Variants in KLF12 observed in about 807,000 individuals in gnomAD.
KLF12 encodes the protein Krueppel-like factor 12.
In KLF12, 9 loss-of-function variants were observed where a neutral mutation model predicts 37.8. The observed-to-expected ratio is 0.24, with a 90% confidence interval of 0.14 to 0.42. The LOEUF is 0.42. KLF12 is among the 10% of genes least tolerant of loss of function. KLF12 has a pLI of 1.00. For missense variants in KLF12, 411 were observed against 516.0 expected, an observed-to-expected ratio of 0.80 and a Z score of 1.97; for synonymous variants, 208 against 202.1, an observed-to-expected ratio of 1.03 and a Z score of -0.25.
chr13:73,775,768 C>T (rs1048011580), intron 5 of KLF12, among the ~76,000 whole-genome samples: 1 of 152,282 alleles, frequency 6.6e-6, no homozygotes, highest in African/African-American at 2.4e-5. Flanking sequence ...GGAATTACTT[C>T]AAATGCCTTT....
At chr13:73,905,633 C>T (rs1447207467) in intron 3 of KLF12, among the ~76,000 whole-genome samples, 1 of 151,876 alleles carries the variant, frequency 6.6e-6, no homozygotes, top group Non-Finnish European at 1.5e-5. Context: ...TATTGTTCCC[C>T]TTATATCATT....
chr13:73,829,399 TA>T (rs1390054823), intron 4 of KLF12, among the ~76,000 whole-genome samples: 2 of 152,170 alleles, frequency 1.3e-5, no homozygotes, highest in Non-Finnish European at 2.9e-5. Flanking sequence ...ATAATAAGGA[TA>T]TTTTTCTCAG....
intron 7 of KLF12, among the ~76,000 whole-genome samples, chr13:73,699,455 A>G (rs1452566678): frequency 6.6e-6 from 1 of 152,188 alleles, no homozygotes; most frequent in Admixed American, 6.5e-5. Context: ...ACCCAACTCA[A>G]TCAGACCTAA....
chr13:73,962,086 T>G, intron 2 of KLF12: 1 of 445,548 alleles, frequency 2.2e-6, no homozygotes, highest in Non-Finnish European at 4.5e-6. Context: ...ATGTCCTTCA[T>G]TAGGTGAATG....
chr13:73,975,494 C>T (rs977280583), intron 2 of KLF12, among the ~76,000 whole-genome samples: 1 of 152,164 alleles, frequency 6.6e-6, no homozygotes, highest in Non-Finnish European at 1.5e-5. Context: ...TTAGGCACAG[C>T]TAAAGACACC....
chr13:73,731,878 C>T (rs1314860503), intron 6 of KLF12, among the ~76,000 whole-genome samples: 1 of 152,162 alleles, frequency 6.6e-6, no homozygotes, highest in Non-Finnish European at 1.5e-5. Context: ...CTTACCAATG[C>T]ATTTTTAGCT....
At chr13:74,235,907 T>A in the KLF12 span, among the ~76,000 whole-genome samples, 1 of 148,814 alleles carries the variant, frequency 6.7e-6, no homozygotes. Context: ...AATTTTTATT[T>A]TTTAATTTTT....
At chr13:73,996,606 T>C (rs771334142) in intron 1 of KLF12, among the ~76,000 whole-genome samples, 6 of 152,266 alleles carry the variant, frequency 3.9e-5, no homozygotes, top group Non-Finnish European at 7.3e-5. Context: ...CATTATTTAC[T>C]TCTTAACTTT....
intron 7 of KLF12, among the ~76,000 whole-genome samples, chr13:73,706,666 C>T (rs1475916633): frequency 6.6e-6 from 1 of 152,212 alleles, no homozygotes; most frequent in East Asian, 1.9e-4. Context: ...GCTGCATCCC[C>T]CCAGTCAGGA....
At chr13:73,911,000 T>C (rs1340638628) in intron 3 of KLF12, among the ~76,000 whole-genome samples, 1 of 152,144 alleles carries the variant, frequency 6.6e-6, no homozygotes, top group Non-Finnish European at 1.5e-5. Flanking sequence ...CCTCAACAGA[T>C]GTGGCCCCTT....
chr13:74,293,768 T>C, the KLF12 span, among the ~76,000 whole-genome samples: 4 of 152,314 alleles, frequency 2.6e-5, no homozygotes, highest in Non-Finnish European at 5.9e-5. Flanking sequence ...TGAAGGAGCA[T>C]CTGCCTTTTG....
intron 3 of KLF12, among the ~76,000 whole-genome samples, chr13:73,927,223 A>C (rs1187793162): frequency 2.6e-5 from 4 of 152,220 alleles, no homozygotes; most frequent in Admixed American, 2.6e-4. Flanking sequence ...GAAGAAGACT[A>C]AGCAGCCAGC....
At chr13:73,723,736 C>T (rs1414791456) in intron 6 of KLF12, among the ~76,000 whole-genome samples, 1 of 152,114 alleles carries the variant, frequency 6.6e-6, no homozygotes, top group Non-Finnish European at 1.5e-5. Context: ...AAACTTTAAG[C>T]TACTCAAGAG....
chr13:74,120,643 G>C (rs1449019825), intron 1 of KLF12, among the ~76,000 whole-genome samples: 1 of 151,934 alleles, frequency 6.6e-6, no homozygotes, highest in Non-Finnish European at 1.5e-5. Context: ...GTCTGATATT[G>C]AATCTGTATT....
intron 1 of KLF12, among the ~76,000 whole-genome samples, chr13:74,058,893 A>G (rs943408756): frequency 6.6e-6 from 1 of 152,188 alleles, no homozygotes; most frequent in African/African-American, 2.4e-5. Context: ...TAATGAGCCC[A>G]TCACCCATAA....
intron 6 of KLF12, among the ~76,000 whole-genome samples, chr13:73,728,246 T>A (rs919434285): frequency 3.3e-5 from 5 of 152,236 alleles, no homozygotes; most frequent in Non-Finnish European, 7.3e-5. Flanking sequence ...TTTCTTAAAT[T>A]AATTTTTAGA....
intron 3 of KLF12, among the ~76,000 whole-genome samples, chr13:73,928,233 A>G (rs1889497500): frequency 6.6e-6 from 1 of 152,224 alleles, no homozygotes; most frequent in Non-Finnish European, 1.5e-5. Flanking sequence ...CGTAAACTAT[A>G]TACAGGCACT....
chr13:74,123,442 G>A (rs1028026988), intron 1 of KLF12, among the ~76,000 whole-genome samples: 6 of 152,170 alleles, frequency 3.9e-5, no homozygotes, highest in African/African-American at 1.2e-4. Flanking sequence ...CTTGCCTTTC[G>A]GCTTAGCTAT....
chr13:73,725,201 A>G (rs1876569492), intron 6 of KLF12, among the ~76,000 whole-genome samples: 1 of 152,120 alleles, frequency 6.6e-6, no homozygotes, highest in Non-Finnish European at 1.5e-5. Context: ...CCTGGGTTCA[A>G]GCTATTCTCC....
Sources: gnomAD v4.1 joint callset for allele counts (sites outside exome capture counted in the v4.1 genomes callset) on GRCh38, gnomAD v4.1.1 for gene constraint, MANE v1.5 for transcripts, NCBI Gene and HGNC (gene_info 2026-07-23, HGNC 2026-07-21) for gene names.